Variants in TMEM184B observed in about 807,000 individuals in gnomAD.
TMEM184B encodes putative MAPK-activating protein FM08.
A neutral mutation model predicts 41.8 loss-of-function variants in TMEM184B; 17 were observed. The observed-to-expected ratio is 0.41, with a 90% CI of 0.28 to 0.61. The LOEUF (loss-of-function observed/expected upper bound fraction) is 0.61. TMEM184B is among the 20% of genes least tolerant of loss of function. The pLI, the probability that TMEM184B is intolerant of heterozygous loss-of-function variation, is 0.34. For missense variants in TMEM184B, 393 were observed against 557.8 expected (o/e 0.70, Z 2.98); for synonymous variants, 240 against 229.5 (o/e 1.05, Z -0.41).
chr22:38,230,888 C>T, intron 4 of TMEM184B, 144 bp from the exon 5 acceptor site: 1 of 783,572 alleles, frequency 1.3e-6, no homozygotes, highest in Non-Finnish European at 2.1e-6. Context: ...AGGCCAAGCA[C>T]AGGGAGAGGC....
intron 1 of TMEM184B, among the ~76,000 whole-genome samples, chr22:38,261,583 C>CT (rs2092369053): frequency 6.6e-6 from 1 of 152,186 alleles, no homozygotes; most frequent in African/African-American, 2.4e-5. Context: ...AGGTTCTTTC[C>CT]TTTAGTACAT....
In TMEM184B at chr22:38,221,263, G is replaced by A; in HGVS notation, c.*206C>T. On this transcript the variant is annotated 3_prime_UTR_variant, in exon 9 of 9. Coordinates refer to ENST00000361906, the MANE Select transcript of TMEM184B (RefSeq NM_012264.5). ...CCCTCGCCCGGGCAGTGCAGGCTGGGCCATGTATAAATATTCCTGAAGGCC... is the reference window on the plus strand; with the variant it reads ...CCCTCGCCCGGGCAGTGCAGGCTGGACCATGTATAAATATTCCTGAAGGCC... 2.8e-6 allele frequency: 4 copies of A among 1,424,848 alleles called. No individual in the cohort carries two copies. Among genetic ancestry groups the A allele is most frequent in the Non-Finnish European group, 3.7e-6 (4 of 1,094,220 alleles). 88.3% of individuals were successfully genotyped at this position (1,424,848 alleles called of 1,614,324 possible). A position where few individuals can be genotyped will look rare whatever the true frequency, so the allele number is the denominator to read the frequency against.
intron 3 of TMEM184B, among the ~76,000 whole-genome samples, chr22:38,240,732 C>CAAAAAAAAA (rs550793359): frequency 1.8e-4 from 12 of 66,562 alleles, no homozygotes; most frequent in Middle Eastern, 9.1e-3. Context: ...GAAAAAAAGG[C>CAAAAAAAAA]AAAAAAAAAA....
chr22:38,227,430 G>A (rs193227994), intron 5 of TMEM184B, among the ~76,000 whole-genome samples: 19 of 152,196 alleles, frequency 1.2e-4, no homozygotes, highest in Admixed American at 2.6e-4. Flanking sequence ...CTTGGTGCCC[G>A]GGGCAAGGCT....
chr22:38,222,894 C>G (rs1328262943), intron 8 of TMEM184B: 2 of 157,424 alleles, frequency 1.3e-5, no homozygotes, highest in Non-Finnish European at 2.7e-5. Flanking sequence ...AGGGATGACT[C>G]CTCCCCTGGT....
At chr22:38,244,043 C>A (rs2091971427) in intron 3 of TMEM184B, among the ~76,000 whole-genome samples, 1 of 152,134 alleles carries the variant, frequency 6.6e-6, no homozygotes, top group Admixed American at 6.6e-5. Context: ...GTATCAAGCC[C>A]TTGAGGCTGG....
chr22:38,222,344 C>T (rs1049120960), intron 8 of TMEM184B: 1 of 154,708 alleles, frequency 6.5e-6, no homozygotes, highest in African/African-American at 2.4e-5. Context: ...CCCCTGGAAC[C>T]CAGGATTCCT....
downstream of TMEM184B, among the ~76,000 whole-genome samples, chr22:38,218,499 A>G (rs1028093413): frequency 6.6e-6 from 1 of 151,234 alleles, no homozygotes; most frequent in Non-Finnish European, 1.5e-5. Context: ...GACCGAGGTG[A>G]GGCCAACTCT....
chr22:38,224,622 C>G (rs2091372448), intron 8 of TMEM184B, among the ~76,000 whole-genome samples, 163 bp downstream of exon 8: 2 of 152,180 alleles, frequency 1.3e-5, no homozygotes, highest in South Asian at 4.1e-4. Flanking sequence ...GCTGGTGGCA[C>G]CTGCTCTTCC....
At position 38,239,437 on chromosome 22, in the gene TMEM184B, G is replaced by A. The variant is rs2091855993; in HGVS notation, c.358+6498C>T. 6.6e-6 allele frequency: 1 copy of A among 152,236 alleles called. No individual in the cohort carries two copies. The highest frequency in any genetic ancestry group is 1.5e-5 in the Non-Finnish European group (1 of 68,078). 9.4% of individuals were successfully genotyped at this position (152,236 alleles called of 1,614,324 possible). ...GGACAAGAGGAGTGGCAACAGCCAA[G>A]CGACATCAACAAAGCTCTGAACGCC... is the stretch of plus-strand genomic sequence containing the variant. On this transcript the variant is annotated intron_variant, in intron 3 of 8. Coordinates refer to ENST00000361906, the MANE Select transcript of TMEM184B (RefSeq NM_012264.5). The surrounding 1 kb of genome is among the most constrained non-coding windows in gnomAD (Gnocchi z 4.6).
intron 1 of TMEM184B, among the ~76,000 whole-genome samples, chr22:38,263,324 G>T (rs946331086): frequency 6.6e-6 from 1 of 152,080 alleles, no homozygotes; most frequent in Non-Finnish European, 1.5e-5. Context: ...CACAATCACC[G>T]ACTTGCGGTG....
chr22:38,238,381 A>G (rs910041487), intron 3 of TMEM184B, among the ~76,000 whole-genome samples: 1 of 151,072 alleles, frequency 6.6e-6, no homozygotes, highest in African/African-American at 2.4e-5. Flanking sequence ...ATGCACGACC[A>G]CGCCCAGCTA....
At chr22:38,272,082 C>G (rs1276967476) in intron 1 of TMEM184B, among the ~76,000 whole-genome samples, 1 of 152,204 alleles carries the variant, frequency 6.6e-6, no homozygotes, top group Non-Finnish European at 1.5e-5. Context: ...CAAATACCTG[C>G]TTTGCCCCAA....
intron 1 of TMEM184B, among the ~76,000 whole-genome samples, chr22:38,249,525 C>A (rs866352397): frequency 2.0e-5 from 3 of 152,278 alleles, no homozygotes; most frequent in Middle Eastern, 3.4e-3. Flanking sequence ...GTGGGTGGGG[C>A]CCTCATGAAT....
At chr22:38,248,118 G>A in intron 1 of TMEM184B, 99 bp from the exon 2 acceptor site, 1 of 1,408,054 alleles carries the variant, frequency 7.1e-7, no homozygotes, top group Non-Finnish European at 9.3e-7. Flanking sequence ...GACCATGTCT[G>A]TATTGACCCC....
chr22:38,243,951 G>A (rs375622825), intron 3 of TMEM184B, among the ~76,000 whole-genome samples: 1 of 152,136 alleles, frequency 6.6e-6, no homozygotes, highest in African/African-American at 2.4e-5. Context: ...GGTGCTGGGA[G>A]TGAGAGTGGC....
At chr22:38,223,964 T>C (rs1172942191) in intron 8 of TMEM184B, 1 of 152,222 alleles carries the variant, frequency 6.6e-6, no homozygotes, top group African/African-American at 2.4e-5. Flanking sequence ...TGGGGCTGGG[T>C]ATCAGCACTT....
intron 5 of TMEM184B, among the ~76,000 whole-genome samples, chr22:38,230,212 G>T (rs2091568858): frequency 1.3e-5 from 2 of 151,250 alleles, no homozygotes; most frequent in Non-Finnish European, 3.0e-5. Context: ...AGACCACAGG[G>T]AAGTCAGCCC....
chr22:38,254,421 G>A (rs543948767), intron 1 of TMEM184B, among the ~76,000 whole-genome samples: 5 of 152,134 alleles, frequency 3.3e-5, no homozygotes, highest in East Asian at 1.9e-4. Flanking sequence ...CCAACATGGC[G>A]AAACCCTGTC....
Sources: allele counts gnomAD v4.1 joint callset (sites outside exome capture counted in the v4.1 genomes callset), GRCh38; gene constraint gnomAD v4.1.1; non-coding constraint Gnocchi (gnomAD v3.1); transcripts MANE v1.5; gene names NCBI Gene and HGNC (gene_info 2026-07-23, HGNC 2026-07-21).